Variants in NARS2 observed in about 807,000 individuals in gnomAD.
The protein encoded by NARS2 is asparaginyl-tRNA synthetase.
NARS2 carries 60 observed loss-of-function variants against 62.9 expected under a neutral mutation model. That is an observed-to-expected ratio of 0.95 (90% confidence interval 0.77 to 1.18). NARS2 has a LOEUF of 1.18. NARS2 is among the 50% of genes most tolerant of loss of function. The pLI, the probability that NARS2 is intolerant of heterozygous loss-of-function variation, is 0.00. For missense variants in NARS2, 619 were observed against 576.4 expected (o/e 1.07, Z -0.76); for synonymous variants, 196 against 200.0 (o/e 0.98, Z 0.17).
At chr11:78,564,190 G>A (rs1050475372) in intron 4 of NARS2, among the ~76,000 whole-genome samples, 4 of 150,894 alleles carry the variant, frequency 2.7e-5, no homozygotes, top group African/African-American at 9.7e-5. Context: ...GTGAGCCACT[G>A]TGCCCAGTAA....
At chr11:78,489,861 C>A (rs1305633631) in intron 7 of NARS2, among the ~76,000 whole-genome samples, 1 of 151,846 alleles carries the variant, frequency 6.6e-6, no homozygotes, top group Non-Finnish European at 1.5e-5. Context: ...TTGAGACCAG[C>A]GTGGGTAACA....
intron 1 of NARS2, among the ~76,000 whole-genome samples, chr11:78,572,386 A>T (rs1393375503): frequency 6.6e-6 from 1 of 152,112 alleles, no homozygotes; most frequent in Non-Finnish European, 1.5e-5. Context: ...TGTCACGATA[A>T]CCTCTCTAAA....
At chr11:78,524,927 G>C (rs1027083002) in intron 6 of NARS2, among the ~76,000 whole-genome samples, 3 of 152,074 alleles carry the variant, frequency 2.0e-5, no homozygotes, top group African/African-American at 7.2e-5. Flanking sequence ...CTGATAAATT[G>C]TGTTACCTCC....
chr11:78,450,596 A>G (rs551566166), intron 11 of NARS2, among the ~76,000 whole-genome samples: 1 of 151,390 alleles, frequency 6.6e-6, no homozygotes, highest in East Asian at 1.9e-4. Flanking sequence ...TTATTTCAGG[A>G]CCAAATGGTA....
In NARS2 at chr11:78,559,301, C is replaced by CAAAAA. The variant is rs10627726; in HGVS notation, c.594+233_594+237dup. On this transcript the variant is annotated intron_variant, in intron 5 of 13. Coordinates refer to ENST00000281038, the MANE Select transcript of NARS2 (RefSeq NM_024678.6). Reference sequence around the variant, plus strand: ...CTGGCCACAGAGTGAGACTCCATCTCAAAAAAAAAAAAAAAAAAAAAAAAA... The same window carrying CAAAAA: ...CTGGCCACAGAGTGAGACTCCATCTCAAAAAAAAAAAAAAAAAAAAAAAAAAAAAA... Among the ~76,000 whole-genome samples, 210 of 58,398 alleles carry CAAAAA rather than the reference C, an allele frequency of 3.6e-3. 29 individuals carry two copies. Among genetic ancestry groups the CAAAAA allele is most frequent in the African/African-American group, 5.6e-3 (69 of 12,394 alleles). 38.3% of individuals were successfully genotyped at this position (58,398 alleles called of 152,430 possible).
At chr11:78,522,722 T>C (rs2135415075) in intron 6 of NARS2, among the ~76,000 whole-genome samples, 1 of 152,370 alleles carries the variant, frequency 6.6e-6, no homozygotes, top group Middle Eastern at 3.4e-3. Context: ...TGGCCACTCT[T>C]CCTTCAACAA....
intron 4 of NARS2, among the ~76,000 whole-genome samples, chr11:78,564,248 T>G (rs1485422655): frequency 6.6e-6 from 1 of 151,952 alleles, no homozygotes; most frequent in Non-Finnish European, 1.5e-5. Context: ...CAGGCTGGAG[T>G]TCAGTGGCAC....
At chr11:78,463,611 GGGAGGCAGA>G (rs1858480235) in intron 11 of NARS2, among the ~76,000 whole-genome samples, 1 of 151,116 alleles carries the variant, frequency 6.6e-6, no homozygotes, top group African/African-American at 2.4e-5. Flanking sequence ...ACTTGAACCT[GGGAGGCAGA>G]GGTTGCAGTG....
chr11:78,564,288 T>C (rs1014701999), intron 4 of NARS2, among the ~76,000 whole-genome samples: 1 of 152,178 alleles, frequency 6.6e-6, no homozygotes, highest in Non-Finnish European at 1.5e-5. Flanking sequence ...CTCCACCTCC[T>C]GGGCTCAAGT....
intron 5 of NARS2, among the ~76,000 whole-genome samples, chr11:78,534,527 C>T (rs10899541): frequency 0.68 from 104,041 of 152,060 alleles, 37,391 homozygotes; most frequent in Non-Finnish European, 0.81. Flanking sequence ...CTTTAGGCTG[C>T]TGACTGACTG....
intron 11 of NARS2, among the ~76,000 whole-genome samples, chr11:78,445,648 T>G (rs575306796): frequency 6.6e-6 from 1 of 152,272 alleles, no homozygotes; most frequent in South Asian, 2.1e-4. Context: ...TAAAAAAATT[T>G]TTTTTAAATG....
At chr11:78,512,214 ATTTAG>A (rs1860745897) in intron 6 of NARS2, among the ~76,000 whole-genome samples, 1 of 152,288 alleles carries the variant, frequency 6.6e-6, no homozygotes, top group South Asian at 2.1e-4. Context: ...CCAGGTGCTG[ATTTAG>A]TTTAAACTTC....
chr11:78,502,133 CAGAA>C (rs1363852122), intron 6 of NARS2, among the ~76,000 whole-genome samples: 11 of 152,156 alleles, frequency 7.2e-5, no homozygotes, highest in Non-Finnish European at 1.6e-4. Context: ...TCTATAAAAA[CAGAA>C]AGCAGAAAGT....
chr11:78,485,676 A>C (rs1385066192), intron 7 of NARS2, among the ~76,000 whole-genome samples: 1 of 152,006 alleles, frequency 6.6e-6, no homozygotes, highest in Admixed American at 6.5e-5. Flanking sequence ...TTTTAGGAAA[A>C]TCCTTGGTTG....
At chr11:78,556,201 G>A (rs2135506922) in intron 5 of NARS2, among the ~76,000 whole-genome samples, 1 of 152,122 alleles carries the variant, frequency 6.6e-6, no homozygotes, top group Admixed American at 6.5e-5. Flanking sequence ...GCTCTTACCT[G>A]GAATATTCTC....
At position 78,568,720 on chromosome 11, in the gene NARS2, T is replaced by G. The variant is rs1243469114; in HGVS notation, c.284A>C (p.Gln95Pro). 1 of 1,611,360 alleles carries G rather than the reference T, an allele frequency of 6.2e-7. No individual in the cohort carries two copies. Among genetic ancestry groups the G allele is most frequent in the Non-Finnish European group, 8.5e-7 (1 of 1,178,182 alleles). Residue 95 changes from glutamine (Q) to proline (P), a missense_variant, in exon 3 of 14, where the codon CAA (glutamine) becomes CCA (proline). Transcript: ENST00000281038. ...ELNFGSSVEV[Q>P]GQLIKSPSKR... ...GGATGGACTTTTTATCAGCTGCCCT[T>G]GTACTTCCACAGAACTCCCAAAATT... is the stretch of plus-strand genomic sequence containing the variant.
chr11:78,508,706 T>C (rs1051859289), intron 6 of NARS2, among the ~76,000 whole-genome samples: 1 of 151,920 alleles, frequency 6.6e-6, no homozygotes, highest in South Asian at 2.1e-4. Flanking sequence ...AACTCCAAGA[T>C]GGTAAGATAA....
intron 3 of NARS2, 24 bp from the exon 4 acceptor site, chr11:78,566,296 A>G (rs760856709): frequency 6.4e-7 from 1 of 1,560,388 alleles, no homozygotes; most frequent in South Asian, 1.2e-5. Context: ...AAAAGAACAA[A>G]TTAGAAGTCA....
chr11:78,501,380 C>T (rs909172197), intron 6 of NARS2, among the ~76,000 whole-genome samples: 30 of 152,148 alleles, frequency 2.0e-4, no homozygotes, highest in Non-Finnish European at 2.6e-4. Context: ...CAGTTACTGT[C>T]TTAGTATTAG....
Sources: gnomAD v4.1 joint callset for allele counts (sites outside exome capture counted in the v4.1 genomes callset) on GRCh38, gnomAD v4.1.1 for gene constraint, MANE v1.5 for transcripts, NCBI Gene and HGNC (gene_info 2026-07-23, HGNC 2026-07-21) for gene names.